ASCC1: variants seen among roughly 807,000 people sequenced by gnomAD.
ASCC1 encodes the protein ASC-1 complex subunit P50.
ASCC1 carries 35 observed loss-of-function variants against 46.6 expected under a neutral mutation model. The ratio of observed to expected loss-of-function variants is 0.75; its 90% CI spans 0.57 to 0.99. The LOEUF (loss-of-function observed/expected upper bound fraction) is 0.99, where lower values mean the gene tolerates loss of function less well. Among genes scored for constraint, ASCC1 ranks in the 50% least tolerant of loss-of-function variants. The pLI is 0.00. For missense variants in ASCC1, 376 were observed against 428.7 expected (o/e 0.88, Z 1.09); for synonymous variants, 143 against 146.6 (o/e 0.98, Z 0.18).
Position 72,210,758 on chromosome 10 carries a change from A to C in ASCC1, c.186T>G (p.Thr62=), listed in dbSNP as rs1048342885. The part of the protein sequence containing the change: ...VEQTPQGFRS[T]LRAPSLLYKH... ...TATAGAGCAAGCTGGGGGCCCTCAA[A>C]GTAGACCGGAATCCTTGTGGGGTCT... is the stretch of plus-strand genomic sequence containing the variant. The change falls in exon 3 of 10, where the codon ACT becomes ACG. Residue 62 remains threonine (T), a synonymous_variant. Transcript: ENST00000672957. 1 of 1,614,134 alleles carries C rather than the reference A, an allele frequency of 6.2e-7. No homozygotes were observed. The highest frequency in any genetic ancestry group is 1.3e-5 in the African/African-American group (1 of 75,042).
intron 6 of ASCC1, among the ~76,000 whole-genome samples, chr10:72,158,065 GA>G (rs1849197396): frequency 2.0e-5 from 3 of 152,204 alleles, no homozygotes; most frequent in Middle Eastern, 6.8e-3. Context: ...AAAAAAATTA[GA>G]AACAATGAAA....
chr10:72,206,812 A>G (rs1266805602), intron 3 of ASCC1, among the ~76,000 whole-genome samples: 1 of 152,088 alleles, frequency 6.6e-6, no homozygotes, highest in Non-Finnish European at 1.5e-5. Context: ...AAAGGTTGCC[A>G]GGTGATGGCT....
At chr10:72,178,301 G>A (rs1291013789) in intron 5 of ASCC1, among the ~76,000 whole-genome samples, 1 of 152,160 alleles carries the variant, frequency 6.6e-6, no homozygotes, top group Admixed American at 6.5e-5. Flanking sequence ...GGTTGTAGGT[G>A]GACCCTGTGG....
intron 3 of ASCC1, among the ~76,000 whole-genome samples, chr10:72,209,611 C>T (rs892550555): frequency 7.9e-5 from 12 of 151,950 alleles, no homozygotes; most frequent in Admixed American, 2.6e-4. Context: ...TGGCGAAACC[C>T]CATCTCTACT....
intron 7 of ASCC1, among the ~76,000 whole-genome samples, chr10:72,145,516 C>T (rs534867158): frequency 3.8e-4 from 57 of 150,280 alleles, no homozygotes; most frequent in Non-Finnish European, 6.3e-4. Context: ...ACATCAATTC[C>T]TTAGACAGGC....
intron 9 of ASCC1, among the ~76,000 whole-genome samples, chr10:72,121,045 A>C (rs1453009665): frequency 6.6e-6 from 1 of 152,200 alleles, no homozygotes; most frequent in Non-Finnish European, 1.5e-5. Context: ...TTTAAACATC[A>C]ATGGTCTAAA....
chr10:72,160,116 G>A (rs932236111), intron 6 of ASCC1, among the ~76,000 whole-genome samples: 4 of 152,076 alleles, frequency 2.6e-5, no homozygotes, highest in African/African-American at 9.7e-5. Context: ...GTGTTAGCCA[G>A]GATGATCTCG....
intron 7 of ASCC1, chr10:72,134,402 C>T (rs1321840014): frequency 6.6e-6 from 1 of 152,290 alleles, no homozygotes; most frequent in Non-Finnish European, 1.5e-5. Context: ...CCACTGCACT[C>T]TAGCCTGGGC....
rs149372037 is a variant in ASCC1 at position 72,144,763 on chromosome 10, G to A, written c.746+8106C>T. Among the ~76,000 whole-genome samples, 1,335 of 151,250 alleles carry A rather than the reference G, an allele frequency of 8.8e-3. 16 individuals are homozygous for A. The highest frequency in any genetic ancestry group is 0.031 in the African/African-American group (1,266 of 41,164). On this transcript the variant is annotated intron_variant, in intron 7 of 9. Transcript: ENST00000672957. ...TACTTCAATTCTAGAATTCCCCTTA[G>A]TCCTGATTTACCTGCTGTTAGTTGA...
At chr10:72,159,673 T>G (rs906479415) in intron 6 of ASCC1, among the ~76,000 whole-genome samples, 1 of 152,158 alleles carries the variant, frequency 6.6e-6, no homozygotes, top group Non-Finnish European at 1.5e-5. Flanking sequence ...AAGTATCTAA[T>G]GACAAACACC....
In ASCC1 at chr10:72,155,026, A is replaced by C. The variant is rs531371462; in HGVS notation, c.627-2038T>G. Among the ~76,000 whole-genome samples, 9 of 152,342 alleles carry C rather than the reference A, an allele frequency of 5.9e-5. No individual in the cohort carries two copies. The East Asian group carries it at 1.5e-3, about 26-fold the overall frequency. On this transcript the variant is annotated intron_variant, in intron 6 of 9. Transcript: ENST00000672957. ...ACTGATATAATAAGTTATATTTCTA[A>C]GTTTTAAAAAAGGTTTACAACAATG...
At chr10:72,121,247 G>A (rs978794844) in intron 9 of ASCC1, among the ~76,000 whole-genome samples, 6 of 152,072 alleles carry the variant, frequency 3.9e-5, no homozygotes, top group Admixed American at 1.3e-4. Context: ...AGGCACAAGC[G>A]ATCCTCCCAC....
At chr10:72,139,472 T>A (rs1846712389) in intron 7 of ASCC1, among the ~76,000 whole-genome samples, 1 of 152,206 alleles carries the variant, frequency 6.6e-6, no homozygotes, top group Non-Finnish European at 1.5e-5. Flanking sequence ...TGTTTATGAA[T>A]AAATCACAAA....
Position 72,184,188 on chromosome 10 carries a change from C to T in ASCC1, c.489+12623G>A, listed in dbSNP as rs758244183. ...AAAACCCTCAATCCAAAAAAAAAAG[C>T]GGTACAAAGAAGAGATGAACAGAAA... On this transcript the variant is annotated intron_variant, in intron 5 of 9. Coordinates refer to ENST00000672957, the MANE Select transcript of ASCC1 (RefSeq NM_001198800.3). Among the ~76,000 whole-genome samples, 13 of 146,878 alleles carry T rather than the reference C, an allele frequency of 8.9e-5. No individual in the cohort carries two copies. In the South Asian group the frequency reaches 2.4e-3, roughly 27 times the overall value.
At chr10:72,196,776 T>A (rs1158529559) in intron 5 of ASCC1, 35 bp downstream of exon 5, 1 of 1,504,054 alleles carries the variant, frequency 6.6e-7, no homozygotes, top group Admixed American at 1.8e-5. Flanking sequence ...TATATTTAAC[T>A]TTTTTTTTAA....
chr10:72,167,571 A>G (rs1444457412), intron 5 of ASCC1, among the ~76,000 whole-genome samples: 1 of 152,170 alleles, frequency 6.6e-6, no homozygotes, highest in African/African-American at 2.4e-5. Context: ...TGTACACTTA[A>G]AATGAATTAA....
At chr10:72,213,615 AAAG>A (rs1198941266) in intron 1 of ASCC1, among the ~76,000 whole-genome samples, 1 of 151,242 alleles carries the variant, frequency 6.6e-6, no homozygotes, top group Admixed American at 6.6e-5. Flanking sequence ...AAAAAAAAAA[AAAG>A]AAGGAAGGGA....
intron 5 of ASCC1, among the ~76,000 whole-genome samples, chr10:72,177,697 G>A (rs1294701000): frequency 1.3e-5 from 2 of 152,090 alleles, no homozygotes; most frequent in Non-Finnish European, 2.9e-5. Flanking sequence ...AGATAAAGTG[G>A]AATTATAGCA....
intron 7 of ASCC1, among the ~76,000 whole-genome samples, chr10:72,143,804 TCTC>T (rs1435403340): frequency 1.3e-5 from 2 of 151,336 alleles, no homozygotes; most frequent in African/African-American, 4.9e-5. Context: ...TAGGTTGCAA[TCTC>T]CTCCTATGAT....
Sources: allele counts gnomAD v4.1 joint callset (sites outside exome capture counted in the v4.1 genomes callset), GRCh38; gene constraint gnomAD v4.1.1; transcripts MANE v1.5; gene names NCBI Gene and HGNC (gene_info 2026-07-23, HGNC 2026-07-21).